POTEE: variants seen among roughly 807,000 people sequenced by gnomAD.
POTEE encodes POTE ankyrin domain family member E.
In POTEE, 21 loss-of-function variants were observed where a neutral mutation model predicts 74.2. The ratio of observed to expected loss-of-function variants is 0.28; its 90% CI spans 0.20 to 0.41. The LOEUF is 0.41. POTEE is among the 10% of genes least tolerant of loss of function. The pLI, the probability that POTEE is intolerant of heterozygous loss-of-function variation, is 1.00. For synonymous variants in POTEE, 211 were observed against 432.8 expected (o/e 0.49, Z 6.36); for missense variants, 525 against 1,158.6 (o/e 0.45, Z 7.94).
intron 8 of POTEE, among the ~76,000 whole-genome samples, chr2:131,229,082 A>G (rs1003889675): frequency 1.3e-5 from 2 of 151,108 alleles, no homozygotes; most frequent in Non-Finnish European, 2.9e-5. Context: ...TCTTGACTTT[A>G]TCCGCACACA....
chr2:131,229,379 G>A (rs1448813230), intron 8 of POTEE, among the ~76,000 whole-genome samples: 2 of 152,090 alleles, frequency 1.3e-5, no homozygotes, highest in African/African-American at 4.8e-5. Flanking sequence ...CTTGCCCTGA[G>A]CAGTGGCTCC....
chr2:131,218,517 G>T lies in POTEE; in HGVS notation c.115G>T (p.Gly39Cys), dbSNP rs766329455. ...TTGCTTCCCCTGCTACAGGGAGAGCGGCAAGAGCAACGTGGGCACTTCTGG... is the reference window on the plus strand; with the variant it reads ...TTGCTTCCCCTGCTACAGGGAGAGCTGCAAGAGCAACGTGGGCACTTCTGG... ...CRCFPCYRESGKSNVGTSGDH... is the reference protein window; with the variant it reads ...CRCFPCYRESCKSNVGTSGDH... Residue 39 changes from glycine to cysteine, a missense_variant, in exon 4 of 18, where the codon GGC becomes TGC. Gly to Cys is a radical substitution (Grantham distance 159). Coordinates refer to ENST00000683005, the MANE Select transcript of POTEE (RefSeq NM_001083538.3). 1 of 1,613,210 alleles carries T rather than the reference G, an allele frequency of 6.2e-7. No individual in the cohort carries two copies. Among genetic ancestry groups the T allele is most frequent in the Non-Finnish European group, 8.5e-7 (1 of 1,179,850 alleles).
chr2:131,219,105 C>CT (rs1700535888), intron 4 of POTEE, among the ~76,000 whole-genome samples, 182 bp downstream of exon 4: 1 of 151,480 alleles, frequency 6.6e-6, no homozygotes, highest in African/African-American at 2.4e-5. Flanking sequence ...AAAAACAAAA[C>CT]TTTAGCTGAT....
In POTEE at chr2:131,218,800, A is replaced by C. The variant is rs555754629; in HGVS notation, c.398A>C (p.Tyr133Ser). The stretch of plus-strand genomic sequence containing the variant: ...GACAGCGCCTTCATGGAGCCCAGGT[A>C]CCACGTCCGTGGAGAAGATCTGGAC... ...YDDSAFMEPR[Y>S]HVRGEDLDKL... The change falls in exon 4 of 18, where the codon TAC (tyrosine) becomes TCC (serine). Residue 133 changes from tyrosine to serine, a missense_variant. Physicochemically the swap from Tyr to Ser is moderately radical, Grantham distance 144. Transcript: ENST00000683005. 1.5e-5 allele frequency: 24 copies of C among 1,612,702 alleles called. No homozygotes were observed. The African/African-American group carries it at 2.7e-4, about 18-fold the overall frequency.
chr2:131,235,754 A>G (rs894159771), intron 9 of POTEE, among the ~76,000 whole-genome samples: 1 of 138,694 alleles, frequency 7.2e-6, no homozygotes, highest in Non-Finnish European at 1.5e-5. Flanking sequence ...AGATTGCGCC[A>G]CTGCACTCCA....
chr2:131,227,357 T>C (rs545149135), intron 7 of POTEE, among the ~76,000 whole-genome samples: 5 of 149,582 alleles, frequency 3.3e-5, no homozygotes, highest in Admixed American at 2.6e-4. Context: ...TTTTGTCTTT[T>C]TAATGACTTT....
At chr2:131,257,105 C>T (rs1480693542) in intron 16 of POTEE, among the ~76,000 whole-genome samples, 3 of 132,796 alleles carry the variant, frequency 2.3e-5, no homozygotes, top group Non-Finnish European at 4.8e-5. Context: ...ACTTTCCCAC[C>T]ACCCTTCCCA....
At chr2:131,210,137 A>G (rs1163595394) in intron 1 of POTEE, among the ~76,000 whole-genome samples, 28 of 145,270 alleles carry the variant, frequency 1.9e-4, no homozygotes, top group African/African-American at 4.7e-4. Context: ...TTGGAGCTAC[A>G]ATGCTGGCAG....
rs374029591 is a variant in POTEE, at chr2:131,236,023, C to T, written c.1127-709C>T. On this transcript the variant is annotated intron_variant, in intron 9 of 17. Coordinates refer to ENST00000683005, the MANE Select transcript of POTEE (RefSeq NM_001083538.3). ...CGCAACAGCTCAGCAGATTTGCATC[C>T]GAAAGCTGAGCCCTGAACAAAGACA... Among the ~76,000 whole-genome samples the T allele has an allele frequency of 1.1e-3, 164 of 152,092 alleles. 3 individuals are homozygous for T. In the South Asian group the frequency reaches 0.012, roughly 11 times the overall value.
intron 4 of POTEE, among the ~76,000 whole-genome samples, chr2:131,221,976 C>T (rs1204440732): frequency 1.3e-5 from 2 of 152,378 alleles, no homozygotes; most frequent in East Asian, 1.9e-4. Context: ...GATCCTTCCA[C>T]CTTTGAAAAC....
At chr2:131,224,692 A>G (rs1423467241) in intron 6 of POTEE, among the ~76,000 whole-genome samples, 1 of 151,672 alleles carries the variant, frequency 6.6e-6, no homozygotes, top group Admixed American at 6.6e-5. Context: ...ATTTTAGAGA[A>G]TGACAGTTTT....
intron 2 of POTEE, among the ~76,000 whole-genome samples, chr2:131,211,555 T>G (rs1559162398): frequency 4.1e-5 from 4 of 96,840 alleles, no homozygotes; most frequent in Admixed American, 2.1e-4. Flanking sequence ...TTTTTTTTTT[T>G]TTTTTTTTTT....
chr2:131,218,876 C>A lies in POTEE; in HGVS notation c.474C>A (p.Ile158=). 6.2e-7 allele frequency: 1 copy of A among 1,613,164 alleles called. No homozygotes were observed. Among genetic ancestry groups the A allele is most frequent in the Non-Finnish European group, 8.5e-7 (1 of 1,179,940 alleles). ...GTAAAGTCCCCAGAAAGGATCTCAT[C>A]GTCATGCTCAGGGACACTGACGTGA... ...WWGKVPRKDL[I]VMLRDTDVNK... is the part of the protein sequence containing the mutation. The change falls in exon 4 of 18, where the codon ATC becomes ATA. Residue 158 remains isoleucine, a synonymous_variant. Transcript: ENST00000683005.
chr2:131,228,719 T>C (rs3990539), intron 8 of POTEE, among the ~76,000 whole-genome samples: 247 of 143,454 alleles, frequency 1.7e-3, no homozygotes, highest in African/African-American at 6.4e-3. Context: ...TTGAAATGTC[T>C]AGTTTAGCGG....
chr2:131,210,084 T>C (rs2105054223), intron 1 of POTEE, among the ~76,000 whole-genome samples: 1 of 143,478 alleles, frequency 7.0e-6, no homozygotes, highest in South Asian at 2.4e-4. Flanking sequence ...GGGCACTATT[T>C]TCTGCTGCAC....
At chr2:131,234,107 T>C (rs1701051721) in intron 9 of POTEE, among the ~76,000 whole-genome samples, 2 of 150,438 alleles carry the variant, frequency 1.3e-5, no homozygotes, top group South Asian at 4.2e-4. Flanking sequence ...TCCATGTGTA[T>C]CACCATCAAT....
chr2:131,235,840 A>C lies in POTEE; in HGVS notation c.1127-892A>C, dbSNP rs554752265. Among the ~76,000 whole-genome samples the C allele has an allele frequency of 5.9e-4, 89 of 151,908 alleles. 1 individual carries two copies. The highest frequency in any genetic ancestry group is 2.1e-3 in the African/African-American group (87 of 41,420). On this transcript the variant is annotated intron_variant, in intron 9 of 17. Transcript: ENST00000683005. ...AAAGAAAAAAGAAAATAAATGTGTC[A>C]GAATAGTGGAGGGAAACATTTTAGA... is the stretch of plus-strand genomic sequence containing the variant.
chr2:131,232,988 T>G (rs1701012139), intron 9 of POTEE, among the ~76,000 whole-genome samples: 1 of 152,062 alleles, frequency 6.6e-6, no homozygotes, highest in Non-Finnish European at 1.5e-5. Context: ...AAATACCTGA[T>G]TAGCTTAGAA....
At chr2:131,218,172 G>T (rs1270030565) in intron 3 of POTEE, 138 bp from the exon 4 acceptor site, 1 of 906,668 alleles carries the variant, frequency 1.1e-6, no homozygotes, top group Admixed American at 3.0e-5. Flanking sequence ...CCTTTCTGGG[G>T]TGGGCGTGGG....
Sources: gnomAD v4.1 joint callset for allele counts (sites outside exome capture counted in the v4.1 genomes callset) on GRCh38, gnomAD v4.1.1 for gene constraint, MANE v1.5 for transcripts, NCBI Gene and HGNC (gene_info 2026-07-23, HGNC 2026-07-21) for gene names.